Variants in PIK3C3 observed in about 807,000 individuals in gnomAD.
PIK3C3 encodes phosphatidylinositol 3-kinase catalytic subunit type 3, also known as PI3-kinase type 3.
PIK3C3 carries 95 observed loss-of-function variants against 126.1 expected under a neutral mutation model. The observed-to-expected ratio is 0.75, with a 90% CI of 0.64 to 0.89. The LOEUF is 0.89. Among genes scored for constraint, PIK3C3 ranks in the 40% least tolerant of loss-of-function variants. The pLI, the probability that PIK3C3 is intolerant of heterozygous loss-of-function variation, is 0.00. For missense variants in PIK3C3, 829 were observed against 1,063.2 expected, an observed-to-expected ratio of 0.78 and a Z score of 3.06; for synonymous variants, 374 against 360.0, an observed-to-expected ratio of 1.04 and a Z score of -0.44.
At chr18:41,973,994 C>G (rs1373683380) in intron 4 of PIK3C3, among the ~76,000 whole-genome samples, 1 of 152,078 alleles carries the variant, frequency 6.6e-6, no homozygotes, top group Admixed American at 6.5e-5. Flanking sequence ...ATACATAAAT[C>G]TTAATAATAG....
chr18:42,041,137 A>C (rs575948903), intron 19 of PIK3C3, among the ~76,000 whole-genome samples: 12 of 152,204 alleles, frequency 7.9e-5, no homozygotes, highest in African/African-American at 2.9e-4. Flanking sequence ...AGCTGAGATC[A>C]CATCATTGCA....
At chr18:42,076,312 TAGTG>T (rs1986032238) in intron 24 of PIK3C3, among the ~76,000 whole-genome samples, 1 of 150,974 alleles carries the variant, frequency 6.6e-6, no homozygotes, top group Admixed American at 6.6e-5. Context: ...TTGTTGTGAG[TAGTG>T]AGTTTTTAAA....
At chr18:42,074,160 C>T (rs926645602) in intron 24 of PIK3C3, among the ~76,000 whole-genome samples, 1 of 152,090 alleles carries the variant, frequency 6.6e-6, no homozygotes, top group South Asian at 2.1e-4. Context: ...GATATACTTA[C>T]AACCCTAGTC....
At chr18:41,960,736 ATTTTTTC>A (rs1221039022) in intron 2 of PIK3C3, among the ~76,000 whole-genome samples, 2 of 150,136 alleles carry the variant, frequency 1.3e-5, no homozygotes, top group African/African-American at 4.9e-5. Flanking sequence ...CTGAAGGATC[ATTTTTTC>A]TTTTTTCTTT....
intron 23 of PIK3C3, among the ~76,000 whole-genome samples, chr18:42,066,693 T>C (rs980493501): frequency 6.6e-6 from 1 of 152,220 alleles, no homozygotes; most frequent in Non-Finnish European, 1.5e-5. Context: ...TAACATTGAC[T>C]TTTATATATA....
At chr18:42,076,079 C>A (rs1985960798) in intron 24 of PIK3C3, among the ~76,000 whole-genome samples, 1 of 112,484 alleles carries the variant, frequency 8.9e-6, no homozygotes, top group African/African-American at 3.3e-5. Context: ...GCACTGGCTG[C>A]TTTACCTTGC....
chr18:42,042,779 T>G (rs931231037), intron 19 of PIK3C3, among the ~76,000 whole-genome samples: 1 of 152,226 alleles, frequency 6.6e-6, no homozygotes, highest in Non-Finnish European at 1.5e-5. Context: ...TTAAAAGTTG[T>G]TTTCCAAAAC....
At chr18:41,977,926 A>G (rs766439539) in intron 4 of PIK3C3, among the ~76,000 whole-genome samples, 2 of 152,116 alleles carry the variant, frequency 1.3e-5, no homozygotes, top group African/African-American at 2.4e-5. Flanking sequence ...GGAAAAAAGG[A>G]CACTGCTTCT....
intron 13 of PIK3C3, among the ~76,000 whole-genome samples, chr18:42,023,468 A>G (rs994966870): frequency 2.3e-4 from 35 of 152,370 alleles, no homozygotes; most frequent in South Asian, 2.1e-4. Context: ...TAAACATTCA[A>G]TCAAACTTAG....
chr18:41,999,343 A>T (rs138330761), intron 9 of PIK3C3, among the ~76,000 whole-genome samples: 1 of 152,190 alleles, frequency 6.6e-6, no homozygotes. Context: ...TTTTTCTTAT[A>T]AAAATACTAA....
At chr18:42,035,109 A>C (rs998562779) in intron 16 of PIK3C3, among the ~76,000 whole-genome samples, 7 of 152,342 alleles carry the variant, frequency 4.6e-5, no homozygotes, top group African/African-American at 1.7e-4. Context: ...AGTTAAAAAT[A>C]CTGGTATTAC....
At position 42,037,785 on chromosome 18, in the gene PIK3C3, C is replaced by A; in HGVS notation, c.1933C>A (p.Gln645Lys). The A allele has an allele frequency of 1.2e-6, 2 of 1,611,778 alleles. No individual in the cohort carries two copies. The highest frequency in any genetic ancestry group is 1.7e-6 in the Non-Finnish European group (2 of 1,178,406). The part of the protein sequence containing the change: ...FKHGDDLRQD[Q>K]LILQIISLMD... ...GCATGGAGATGATTTACGTCAAGAT[C>A]AACTTATTCTTCAAATCATTTCACT... The change falls in exon 17 of 25, where the codon CAA becomes AAA. Residue 645 changes from glutamine to lysine, a missense_variant. This residue lies in a region of PIK3C3 where 196 missense variants were observed against 312.8 expected (regional missense o/e 0.63). Coordinates refer to ENST00000262039, the MANE Select transcript of PIK3C3 (RefSeq NM_002647.4).
chr18:41,984,008 T>TA (rs1981341096), intron 4 of PIK3C3, among the ~76,000 whole-genome samples: 1 of 151,894 alleles, frequency 6.6e-6, no homozygotes, highest in Non-Finnish European at 1.5e-5. Context: ...TGACTTCCTG[T>TA]GAATTCTGTT....
At chr18:42,057,225 A>G (rs1985109800) in intron 21 of PIK3C3, among the ~76,000 whole-genome samples, 1 of 152,068 alleles carries the variant, frequency 6.6e-6, no homozygotes, top group Non-Finnish European at 1.5e-5. Context: ...TATTATTACA[A>G]CTAAATTGCT....
At position 42,033,890 on chromosome 18, in the gene PIK3C3, T is replaced by G. The variant is rs770657382; in HGVS notation, c.1772T>G (p.Ile591Ser). Residue 591 changes from isoleucine (I) to serine (S), a missense_variant, in exon 16 of 25, where the codon ATC (isoleucine) becomes AGC (serine). Ile to Ser is a moderately radical substitution (Grantham distance 142). This residue lies in a region of PIK3C3 where 256 missense variants were observed against 291.0 expected (regional missense o/e 0.88). Coordinates refer to ENST00000262039, the MANE Select transcript of PIK3C3 (RefSeq NM_002647.4). Reference protein sequence around the residue: ...EKMNLSDVELIPLPLEPQVKI... With the variant: ...EKMNLSDVELSPLPLEPQVKI... Reference sequence around the variant, plus strand: ...ATGAATTTGTCAGATGTGGAACTTATCCCGTTGCCTTTAGAACCCCAAGTG... The same window carrying G: ...ATGAATTTGTCAGATGTGGAACTTAGCCCGTTGCCTTTAGAACCCCAAGTG... The G allele has an allele frequency of 1.2e-6, 2 of 1,605,726 alleles. No individual in the cohort carries two copies. Among genetic ancestry groups the G allele is most frequent in the Non-Finnish European group, 1.7e-6 (2 of 1,174,582 alleles).
At chr18:41,967,101 A>C (rs7229864) in intron 3 of PIK3C3, among the ~76,000 whole-genome samples, 6,812 of 152,088 alleles carry the variant, frequency 0.045, 507 homozygotes, top group African/African-American at 0.15. Context: ...CTCGCATTGG[A>C]GAAAAGCCAG....
intron 24 of PIK3C3, among the ~76,000 whole-genome samples, chr18:42,079,696 A>G (rs976118642): frequency 2.6e-5 from 4 of 152,218 alleles, no homozygotes; most frequent in Non-Finnish European, 5.9e-5. Flanking sequence ...TGTCATACAT[A>G]GACGCATACA....
Position 41,962,532 on chromosome 18 carries a change from C to T in PIK3C3, c.301C>T (p.Pro101Ser). 1.2e-6 allele frequency: 2 copies of T among 1,613,474 alleles called. No homozygotes were observed. Among genetic ancestry groups the T allele is most frequent in the Non-Finnish European group, 1.7e-6 (2 of 1,179,592 alleles). The change falls in exon 3 of 25, where the codon CCC becomes TCC. Residue 101 changes from proline to serine, a missense_variant. Physicochemically the swap from Pro to Ser is moderately conservative, Grantham distance 74. This residue lies in a region of PIK3C3 where 313 missense variants were observed against 340.7 expected (regional missense o/e 0.92). Transcript: ENST00000262039. ...ACTACCAGTAAAATACCCTGACCTG[C>T]CCAGGAATGCCCAAGTGGCCCTCAC... ...LKLPVKYPDL[P>S]RNAQVALTIW... is the part of the protein sequence containing the mutation.
Position 42,081,017 on chromosome 18 carries a change from C to T in PIK3C3, c.2650-106C>T, listed in dbSNP as rs190348971. 3.2e-3 allele frequency: 2,115 copies of T among 656,266 alleles called. 13 individuals carry two copies. The highest frequency in any genetic ancestry group is 9.0e-3 in the South Asian group (406 of 44,914). 40.7% of individuals were successfully genotyped at this position (656,266 alleles called of 1,614,324 possible). A position where few individuals can be genotyped will look rare whatever the true frequency, so the allele number is the denominator to read the frequency against. On this transcript the variant is annotated intron_variant, in intron 24 of 24. Coordinates refer to ENST00000262039, the MANE Select transcript of PIK3C3 (RefSeq NM_002647.4). ...GTAGCATTTAGCAAACTAATTAATG[C>T]ACTTTTTATTTTATTAGTAGTCTTT...
Sources: allele counts gnomAD v4.1 joint callset (sites outside exome capture counted in the v4.1 genomes callset), GRCh38; gene constraint gnomAD v4.1.1; regional missense constraint gnomAD v4.1.1; transcripts MANE v1.5; gene names NCBI Gene and HGNC (gene_info 2026-07-23, HGNC 2026-07-21).